The following HPS5 variants were observed in gnomAD, a reference collection of about 807,000 sequenced individuals.
HPS5 encodes BLOC-2 complex member HPS5.
Under a neutral mutation model 128.0 loss-of-function variants are expected in HPS5, and 83 were observed. That is an observed-to-expected ratio of 0.65 (90% CI 0.54 to 0.78). The LOEUF is 0.78. Ranked by LOEUF, HPS5 falls within the 30% of genes least tolerant of loss-of-function variation. The pLI, the probability that HPS5 is intolerant of heterozygous loss-of-function variation, is 0.00. For synonymous variants in HPS5, 475 were observed against 470.2 expected, an observed-to-expected ratio of 1.01 and a Z score of -0.13; for missense variants, 1,281 against 1,326.2, an observed-to-expected ratio of 0.97 and a Z score of 0.53.
intron 6 of HPS5, among the ~76,000 whole-genome samples, chr11:18,308,188 C>G (rs1862579598): frequency 6.6e-6 from 1 of 152,216 alleles, no homozygotes; most frequent in Admixed American, 6.5e-5. Context: ...CTCTAATGCA[C>G]TCCTTTGCCA....
At chr11:18,298,085 CAAA>C (rs1200784930) in intron 10 of HPS5, among the ~76,000 whole-genome samples, 1 of 70,452 alleles carries the variant, frequency 1.4e-5, no homozygotes, top group African/African-American at 5.5e-5. Context: ...GACTTCATCT[CAAA>C]AAAAAAAAAA....
In HPS5 at chr11:18,279,539, A is replaced by G; in HGVS notation, c.*343T>C. ...TCCCAACATGGAAGCCACAGTAAGA[A>G]AAGAATCTGTCTAATCCACTAGCAA... On this transcript the variant is annotated 3_prime_UTR_variant, in exon 23 of 23. Transcript: ENST00000349215. The G allele has an allele frequency of 3.6e-6, 1 of 280,612 alleles. No homozygotes were observed. Among genetic ancestry groups the G allele is most frequent in the Non-Finnish European group, 6.8e-6 (1 of 146,332 alleles). 17.4% of individuals were successfully genotyped at this position (280,612 alleles called of 1,614,324 possible).
At chr11:18,303,172 A>C (rs1861933963) in intron 8 of HPS5, among the ~76,000 whole-genome samples, 2 of 152,236 alleles carry the variant, frequency 1.3e-5, no homozygotes, top group South Asian at 2.1e-4. Context: ...TGAAAAACAT[A>C]AACAAACAGG....
In HPS5 at chr11:18,296,084, T is replaced by C. The variant is rs770838422; in HGVS notation, c.1549A>G (p.Lys517Glu). 6.8e-6 allele frequency: 11 copies of C among 1,613,296 alleles called. No individual in the cohort carries two copies. The highest frequency in any genetic ancestry group is 3.3e-5 in the Admixed American group (2 of 60,006). ...SHAPVMFETD[K>E]NETFLPFGIP... ...CCGAACGGGAGAAAAGTTTCATTCT[T>C]ATCTGTCTCAAACATCACTGGAGCA... The change falls in exon 13 of 23, where the codon AAG becomes GAG. Residue 517 changes from lysine to glutamate, a missense_variant. By Grantham distance (56) the Lys-to-Glu change is moderately conservative (BLOSUM62 1). Coordinates refer to ENST00000349215, the MANE Select transcript of HPS5 (RefSeq NM_181507.2).
chr11:18,281,492 C>T (rs913263712), intron 22 of HPS5, among the ~76,000 whole-genome samples: 8 of 148,944 alleles, frequency 5.4e-5, no homozygotes, highest in African/African-American at 1.7e-4. Flanking sequence ...CTCCACCTTC[C>T]GAGTTCAAGC....
intron 16 of HPS5, among the ~76,000 whole-genome samples, chr11:18,289,919 C>T (rs1860189676): frequency 6.6e-6 from 1 of 152,204 alleles, no homozygotes; most frequent in Non-Finnish European, 1.5e-5. Context: ...AAGGTAGATA[C>T]TGCGGGCTAT....
intron 22 of HPS5, among the ~76,000 whole-genome samples, chr11:18,281,378 G>A (rs934688121): frequency 6.6e-6 from 1 of 151,306 alleles, no homozygotes; most frequent in Non-Finnish European, 1.5e-5. Flanking sequence ...ACAGGCATAA[G>A]CCACCGTACC....
At chr11:18,302,822 CGG>C (rs1222065101) in intron 8 of HPS5, among the ~76,000 whole-genome samples, 203 of 1,594 alleles carry the variant, frequency 0.13, 10 homozygotes, top group Non-Finnish European at 0.2. Context: ...AGAAAAAAAG[CGG>C]GGGGGGGGGG....
At chr11:18,286,034 T>C (rs564096999) in intron 19 of HPS5, among the ~76,000 whole-genome samples, 74 of 152,362 alleles carry the variant, frequency 4.9e-4, no homozygotes, top group Non-Finnish European at 9.7e-4. Context: ...CGGTCAGCTG[T>C]GCAAAGTTTT....
intron 2 of HPS5, among the ~76,000 whole-genome samples, chr11:18,315,106 G>A (rs1192064659): frequency 6.6e-6 from 1 of 152,112 alleles, no homozygotes; most frequent in Non-Finnish European, 1.5e-5. Context: ...CCCTGTTTTG[G>A]AATGACCTTA....
intron 16 of HPS5, among the ~76,000 whole-genome samples, chr11:18,289,591 T>A (rs974650715): frequency 1.1e-4 from 16 of 150,198 alleles, no homozygotes; most frequent in Non-Finnish European, 1.0e-4. Context: ...AAAAAAAAAA[T>A]TATTATGCTT....
At position 18,295,000 on chromosome 11, in the gene HPS5, AT is replaced by A. The variant is rs769385780; in HGVS notation, c.1784+19del. The A allele has an allele frequency of 5.6e-6, 9 of 1,613,466 alleles. No homozygotes were observed. Among genetic ancestry groups the A allele is most frequent in the Middle Eastern group, 1.6e-4 (1 of 6,082 alleles). ...GCTGGATTCCCTAGAATGTATAGAG[AT>A]TTATGTGTAAGGGCTTACTCAGTGT... On this transcript the variant is annotated intron_variant, in intron 14 of 22. Transcript: ENST00000349215.
In HPS5 at chr11:18,305,524, TA is replaced by T. The variant is rs775514784; in HGVS notation, c.825-32del. ...AAGTAAACACATCTGTTAATGAGTT[TA>T]TCTGTTAAAAGTATAACATAAAATT... is the stretch of plus-strand genomic sequence containing the variant. On this transcript the variant is annotated intron_variant, in intron 7 of 22. Transcript: ENST00000349215. 2.7e-6 allele frequency: 4 copies of T among 1,494,000 alleles called. No individual in the cohort carries two copies. The South Asian group carries it at 4.5e-5, about 17-fold the overall frequency. The allele number at this position is 1,494,000 out of a possible 1,614,324, so 92.5% of individuals were successfully genotyped here. A position where few individuals can be genotyped will look rare whatever the true frequency, so the allele number is the denominator to read the frequency against.
At chr11:18,305,308 C>G (rs1862218056) in intron 8 of HPS5, 114 bp downstream of exon 8, 1 of 704,440 alleles carries the variant, frequency 1.4e-6, no homozygotes, top group African/African-American at 1.8e-5. Flanking sequence ...TCCTAACTTT[C>G]TATAAGTAAT....
chr11:18,311,388 T>C lies in HPS5; in HGVS notation c.283A>G (p.Ser95Gly), dbSNP rs1403961086. ...HDDDYVAVAT[S>G]QGLVVVWELN... ...GATAGTTTTGGAACAGATTCTTACCTGGTAGCTACAGCAACATAATCATCA... is the reference window on the plus strand; with the variant it reads ...GATAGTTTTGGAACAGATTCTTACCCGGTAGCTACAGCAACATAATCATCA... The change falls in exon 4 of 23, where the codon AGT (serine) becomes GGT (glycine). Residue 95 changes from serine to glycine, a missense_variant and splice_region_variant. By Grantham distance (56) the Ser-to-Gly change is moderately conservative. Coordinates refer to ENST00000349215, the MANE Select transcript of HPS5 (RefSeq NM_181507.2). 6.3e-7 allele frequency: 1 copy of C among 1,597,226 alleles called. No homozygotes were observed. The highest frequency in any genetic ancestry group is 1.7e-5 in the Admixed American group (1 of 59,678).
At chr11:18,309,488 C>T (rs553096502) in intron 5 of HPS5, among the ~76,000 whole-genome samples, 4 of 152,244 alleles carry the variant, frequency 2.6e-5, no homozygotes, top group African/African-American at 7.2e-5. Flanking sequence ...CCAGCCTGGG[C>T]AACAGAAGAA....
chr11:18,297,798 G>A, intron 10 of HPS5, 81 bp from the exon 11 acceptor site: 1 of 1,367,852 alleles, frequency 7.3e-7, no homozygotes, highest in Non-Finnish European at 1.0e-6. Context: ...AAGAGGTCTA[G>A]GCCGGGCACG....
intron 14 of HPS5, among the ~76,000 whole-genome samples, chr11:18,294,233 C>T (rs1860788896): frequency 6.6e-6 from 1 of 152,146 alleles, no homozygotes; most frequent in Non-Finnish European, 1.5e-5. Context: ...ATCAACGTTG[C>T]CTAAAGAATC....
intron 18 of HPS5, 182 bp from the exon 19 acceptor site, chr11:18,286,892 T>A (rs1859805980): frequency 3.2e-4 from 189 of 591,494 alleles, no homozygotes; most frequent in South Asian, 9.6e-4. Flanking sequence ...ACAAAGAAAA[T>A]GTCAAAGGGC....
Sources: gnomAD v4.1 joint callset for allele counts (sites outside exome capture counted in the v4.1 genomes callset) on GRCh38, gnomAD v4.1.1 for gene constraint, MANE v1.5 for transcripts, NCBI Gene and HGNC (gene_info 2026-07-23, HGNC 2026-07-21) for gene names.